The following STYXL2 variants were observed in gnomAD, a reference collection of about 807,000 sequenced individuals.
STYXL2 encodes serine/threonine/tyrosine interacting like 2.
In STYXL2, 44 loss-of-function variants were observed where a neutral mutation model predicts 52.4. That is an observed-to-expected ratio of 0.84 (90% CI 0.66 to 1.08). STYXL2 has a LOEUF of 1.08. Ranked by LOEUF, STYXL2 falls within the 50% of genes least tolerant of loss-of-function variation. The probability of loss-of-function intolerance (pLI) is 0.00; values close to 1 mark genes in which losing one functional copy is unlikely to be tolerated. For synonymous variants in STYXL2, 604 were observed against 586.9 expected, an observed-to-expected ratio of 1.03 and a Z score of -0.42; for missense variants, 1,604 against 1,471.7, an observed-to-expected ratio of 1.09 and a Z score of -1.47.
At chr1:167,117,729 T>C (rs1345598155) in intron 4 of STYXL2, among the ~76,000 whole-genome samples, 170 bp downstream of exon 4, 2 of 152,180 alleles carry the variant, frequency 1.3e-5, no homozygotes, top group African/African-American at 4.8e-5. Flanking sequence ...TCCATCCACC[T>C]GCATTCGGAG....
chr1:167,120,218 A>T (rs1667822029), intron 5 of STYXL2, among the ~76,000 whole-genome samples: 1 of 152,228 alleles, frequency 6.6e-6, no homozygotes, highest in Admixed American at 6.5e-5. Flanking sequence ...ACTAGTCTGC[A>T]GAGGTCACAG....
intron 2 of STYXL2, among the ~76,000 whole-genome samples, chr1:167,112,638 A>T (rs369794309): frequency 6.6e-6 from 1 of 152,172 alleles, no homozygotes; most frequent in Admixed American, 6.5e-5. Context: ...GTATCTGTGT[A>T]TTGTGGAGAG....
At chr1:167,110,802 C>T (rs1667601507) in intron 2 of STYXL2, among the ~76,000 whole-genome samples, 1 of 152,226 alleles carries the variant, frequency 6.6e-6, no homozygotes, top group South Asian at 2.1e-4. Context: ...CTGGCCCTTA[C>T]CACATCCTTT....
Position 167,119,453 on chromosome 1 carries a change from G to C in STYXL2, c.642G>C (p.Leu214=). 1 of 1,614,034 alleles carries C rather than the reference G, an allele frequency of 6.2e-7. No homozygotes were observed. The highest frequency in any genetic ancestry group is 8.5e-7 in the Non-Finnish European group (1 of 1,179,992). The change falls in exon 5 of 6, where the codon CTG becomes CTC. Residue 214 remains leucine, a synonymous_variant. Coordinates refer to ENST00000361200, the MANE Select transcript of STYXL2 (RefSeq NM_001080426.3). The part of the protein sequence containing the change: ...RKASEFLDEA[L]LTYRGKVLVS... ...CGTCTGAGTTCCTGGATGAGGCGCT[G>C]CTGACTTACAGAGGTGAGAGGGATC...
At chr1:167,114,613 C>A (rs1221823880) in intron 3 of STYXL2, among the ~76,000 whole-genome samples, 2 of 152,174 alleles carry the variant, frequency 1.3e-5, no homozygotes, top group Non-Finnish European at 2.9e-5. Flanking sequence ...GTCCCCTGAC[C>A]CATTTGGGTC....
chr1:167,094,981 A>G (rs1571327388), intron 2 of STYXL2, 22 bp downstream of exon 2: 1 of 1,557,410 alleles, frequency 6.4e-7, no homozygotes, highest in Admixed American at 1.8e-5. Flanking sequence ...CTTATCTCCC[A>G]CCCTCACAGC....
At chr1:167,107,223 C>G (rs1244676048) in intron 2 of STYXL2, among the ~76,000 whole-genome samples, 2 of 152,054 alleles carry the variant, frequency 1.3e-5, no homozygotes, top group Non-Finnish European at 2.9e-5. Flanking sequence ...AAAAGAGTGT[C>G]AAGACCCAAA....
rs1327104261 is a variant in STYXL2 at position 167,127,411 on chromosome 1, T to C, written c.2280T>C (p.Ala760=). The change falls in exon 6 of 6, where the codon GCT becomes GCC. Residue 760 remains alanine (A), a synonymous_variant. Transcript: ENST00000361200. The part of the protein sequence containing the change: ...SVASMKAVPA[A]SCLGDDQVSM... ...CAAGCATGAAGGCAGTACCAGCGGC[T>C]AGCTGCCTGGGGGATGACCAAGTCT... 6.2e-7 allele frequency: 1 copy of C among 1,614,144 alleles called. No homozygotes were observed. Among genetic ancestry groups the C allele is most frequent in the Non-Finnish European group, 8.5e-7 (1 of 1,180,006 alleles).
intron 2 of STYXL2, among the ~76,000 whole-genome samples, chr1:167,098,003 CTTTTTTT>C (rs35037292): frequency 4.1e-5 from 4 of 96,598 alleles, no homozygotes; most frequent in Non-Finnish European, 5.9e-5. Context: ...TCTCTACAAA[CTTTTTTT>C]TTTTTTTTTT....
Position 167,127,451 on chromosome 1 carries a change from C to A in STYXL2, c.2320C>A (p.His774Asn). 6.2e-7 allele frequency: 1 copy of A among 1,614,090 alleles called. No individual in the cohort carries two copies. The highest frequency in any genetic ancestry group is 8.5e-7 in the Non-Finnish European group (1 of 1,179,996). The change falls in exon 6 of 6, where the codon CAC becomes AAC. Residue 774 changes from histidine to asparagine, a missense_variant. By Grantham distance (68) the His-to-Asn change is moderately conservative. Transcript: ENST00000361200. ...TGACCAAGTCTCCATGCTTAGTGGA[C>A]ACAGCAGCTCCTCCTTGGGTGGCTG... Reference protein sequence around the residue: ...GDDQVSMLSGHSSSSLGGCLL... With the variant: ...GDDQVSMLSGNSSSSLGGCLL...
intron 5 of STYXL2, among the ~76,000 whole-genome samples, chr1:167,121,410 G>A (rs918402708): frequency 6.6e-6 from 1 of 152,234 alleles, no homozygotes; most frequent in African/African-American, 2.4e-5. Flanking sequence ...CACCTCGCTC[G>A]CAGGTCCTGG....
At position 167,127,809 on chromosome 1, in the gene STYXL2, T is replaced by C. The variant is rs746805685; in HGVS notation, c.2678T>C (p.Ile893Thr). Residue 893 changes from isoleucine (I) to threonine (T), a missense_variant, in exon 6 of 6, where the codon ATA (isoleucine) becomes ACA (threonine). Ile to Thr is a moderately conservative substitution (Grantham distance 89). Transcript: ENST00000361200. ...GDGDEDTDSA[I>T]GSFRYSSRSN... ...GGGGATGAGGACACTGACAGTGCCA[T>C]AGGGAGCTTCCGATATTCTTCCCGC... The C allele has an allele frequency of 1.2e-6, 2 of 1,613,806 alleles. No individual in the cohort carries two copies. The highest frequency in any genetic ancestry group is 1.1e-5 in the South Asian group (1 of 91,074).
At chr1:167,103,142 C>T (rs527587652) in intron 2 of STYXL2, among the ~76,000 whole-genome samples, 7 of 152,278 alleles carry the variant, frequency 4.6e-5, no homozygotes, top group Admixed American at 2.6e-4. Flanking sequence ...TTCAAAAGGC[C>T]GTCTGCTCTG....
rs538717765 is a variant in STYXL2, at chr1:167,105,242, G to A, written c.111-8468G>A. Among the ~76,000 whole-genome samples, 3 of 149,750 alleles carry A rather than the reference G, an allele frequency of 2.0e-5. No individual in the cohort carries two copies. In the South Asian group the frequency reaches 6.3e-4, roughly 31 times the overall value. ...CCACTGAATTGATTTTATGATACAT[G>A]GATTGGTCAGTCTGCAATTTTGAAA... On this transcript the variant is annotated intron_variant, in intron 2 of 5. Transcript: ENST00000361200.
Position 167,127,017 on chromosome 1 carries a change from T to C in STYXL2, c.1886T>C (p.Leu629Pro). Reference protein sequence around the residue: ...LAKKRQRRLELLERSRQTLEE... With the variant: ...LAKKRQRRLEPLERSRQTLEE... Reference sequence around the variant, plus strand: ...AAGAAGAGACAACGGAGGCTGGAGCTGCTGGAGAGAAGCCGGCAGACGCTG... The same window carrying C: ...AAGAAGAGACAACGGAGGCTGGAGCCGCTGGAGAGAAGCCGGCAGACGCTG... Residue 629 changes from leucine to proline, a missense_variant, in exon 6 of 6, where the codon CTG (leucine) becomes CCG (proline). Transcript: ENST00000361200. The C allele has an allele frequency of 6.2e-7, 1 of 1,606,760 alleles. No homozygotes were observed. The highest frequency in any genetic ancestry group is 1.7e-4 in the Middle Eastern group (1 of 6,030).
At chr1:167,107,647 C>T (rs1278092383) in intron 2 of STYXL2, among the ~76,000 whole-genome samples, 2 of 152,200 alleles carry the variant, frequency 1.3e-5, no homozygotes, top group Non-Finnish European at 2.9e-5. Flanking sequence ...CATATTCAGT[C>T]AGTGAGTCAG....
chr1:167,101,106 T>C (rs1012764611), intron 2 of STYXL2, among the ~76,000 whole-genome samples: 10 of 152,224 alleles, frequency 6.6e-5, no homozygotes, highest in Non-Finnish European at 1.3e-4. Context: ...AATATATTTT[T>C]TAAAACTCCC....
At chr1:167,112,794 G>A (rs1409409222) in intron 2 of STYXL2, among the ~76,000 whole-genome samples, 5 of 152,072 alleles carry the variant, frequency 3.3e-5, no homozygotes, top group Non-Finnish European at 5.9e-5. Context: ...ATTTGTGGAG[G>A]GTTTGTCAGA....
intron 2 of STYXL2, among the ~76,000 whole-genome samples, chr1:167,096,218 A>G (rs991532593): frequency 6.6e-6 from 1 of 152,102 alleles, no homozygotes; most frequent in Admixed American, 6.5e-5. Flanking sequence ...AGATCGCGCC[A>G]CTGAACTTCA....
Sources: gnomAD v4.1 joint callset for allele counts (sites outside exome capture counted in the v4.1 genomes callset) on GRCh38, gnomAD v4.1.1 for gene constraint, MANE v1.5 for transcripts, NCBI Gene and HGNC (gene_info 2026-07-23, HGNC 2026-07-21) for gene names.